The following PCDH11X variants were observed in gnomAD, a reference collection of about 807,000 sequenced individuals.
The protein encoded by PCDH11X is protocadherin 11 X-linked.
Under a neutral mutation model 53.3 loss-of-function variants are expected in PCDH11X, and 18 were observed. That is an observed-to-expected ratio of 0.34 (90% CI 0.23 to 0.50). The LOEUF (loss-of-function observed/expected upper bound fraction) is 0.50. Among genes scored for constraint, PCDH11X ranks in the 20% least tolerant of loss-of-function variants. The pLI is 0.98. For synonymous variants in PCDH11X, 279 were observed against 393.3 expected, an observed-to-expected ratio of 0.71 and a Z score of 3.44; for missense variants, 570 against 1,032.4, an observed-to-expected ratio of 0.55 and a Z score of 6.14.
chrX:92,098,858 G>A (rs1167361799), intron 6 of PCDH11X, among the ~76,000 whole-genome samples: 1 of 110,101 alleles, frequency 9.1e-6, no homozygotes, highest in Non-Finnish European at 1.9e-5. Flanking sequence ...TGTTGGTCAG[G>A]CTGGTCTCGA....
At chrX:91,960,606 T>C (rs918492941) in intron 6 of PCDH11X, among the ~76,000 whole-genome samples, 2 of 110,902 alleles carry the variant, frequency 1.8e-5, no homozygotes, top group Non-Finnish European at 3.8e-5. Flanking sequence ...TGTATTTTTG[T>C]AGAGACAGGC....
chrX:92,597,443 C>T (rs2750664), intron 10 of PCDH11X, among the ~76,000 whole-genome samples: 1 of 111,096 alleles, frequency 9.0e-6, no homozygotes, highest in Admixed American at 9.6e-5. Flanking sequence ...ACACATAAAA[C>T]TAAATACCTA....
At chrX:92,187,052 G>A (rs1338531353) in intron 6 of PCDH11X, among the ~76,000 whole-genome samples, 1 of 111,729 alleles carries the variant, frequency 9.0e-6, no homozygotes, top group Non-Finnish European at 1.9e-5. Context: ...AGGTGTATTA[G>A]CTTCCTGTTG....
In PCDH11X at chrX:92,263,135, G is replaced by A. The variant is rs1427725336; in HGVS notation, c.3136G>A (p.Ala1046Thr). The part of the protein sequence containing the change: ...QPQRKSEGKV[A>T]GKSQRRVTFH... ...TCAGCGGAAATCTGAAGGGAAAGTG[G>A]CAGGAAAGGTAAGACTGCAAATTTC... Residue 1046 changes from alanine (A) to threonine (T), a missense_variant, in exon 8 of 11, where the codon GCA (alanine) becomes ACA (threonine). Physicochemically the swap from Ala to Thr is moderately conservative, Grantham distance 58. This residue lies in a region of PCDH11X where 234 missense variants were observed against 296.1 expected (regional missense o/e 0.79). Coordinates refer to ENST00000682573, the MANE Select transcript of PCDH11X (RefSeq NM_032968.5). 1 of 1,182,635 alleles carries A rather than the reference G, an allele frequency of 8.5e-7. No homozygotes were observed. Among genetic ancestry groups the A allele is most frequent in the African/African-American group, 1.7e-5 (1 of 57,160 alleles).
In PCDH11X at chrX:92,278,926, C is replaced by G. The variant is rs946499428; in HGVS notation, c.3144+15783C>G. Among the ~76,000 whole-genome samples, 3 of 106,828 alleles carry G rather than the reference C, an allele frequency of 2.8e-5. No individual in the cohort carries two copies. The East Asian group carries it at 9.0e-4, about 32-fold the overall frequency. The allele number at this position is 106,828 out of a possible 115,157, so 92.8% of individuals were successfully genotyped here. ...TCCTGGGTTCAAGCGAGTCTCCTGC[C>G]TTAGCCTTCCGAGTAGCTGGGATTA... On this transcript the variant is annotated intron_variant, in intron 8 of 10. Transcript: ENST00000682573.
chrX:92,297,712 T>C (rs1231573254), intron 8 of PCDH11X, among the ~76,000 whole-genome samples: 2 of 111,982 alleles, frequency 1.8e-5, no homozygotes, highest in Non-Finnish European at 3.8e-5. Context: ...GGAAATAGTA[T>C]TGAGTCTGTA....
At chrX:92,342,394 A>G (rs1205468608) in intron 8 of PCDH11X, among the ~76,000 whole-genome samples, 1 of 111,252 alleles carries the variant, frequency 9.0e-6, no homozygotes, top group Non-Finnish European at 1.9e-5. Context: ...AAAAAGACAC[A>G]TGCACTCATA....
Position 92,423,252 on chromosome X carries a change from G to C in PCDH11X, c.3343+35319G>C, listed in dbSNP as rs750880148. On this transcript the variant is annotated intron_variant, in intron 9 of 10. Transcript: ENST00000682573. Reference sequence around the variant, plus strand: ...TTAGTGATGTTGAGGCTTTTTTCATGTTTGTCGGCCATTTGTTTATCTTCT... The same window carrying C: ...TTAGTGATGTTGAGGCTTTTTTCATCTTTGTCGGCCATTTGTTTATCTTCT... Among the ~76,000 whole-genome samples the C allele has an allele frequency of 8.2e-5, 8 of 97,594 alleles. No individual in the cohort carries two copies. In the South Asian group the frequency reaches 3.4e-3, roughly 41 times the overall value. The allele number at this position is 97,594 out of a possible 115,157, so 84.7% of individuals were successfully genotyped here. A position where few individuals can be genotyped will look rare whatever the true frequency, so the allele number is the denominator to read the frequency against.
At chrX:92,434,770 T>C (rs2072331146) in intron 9 of PCDH11X, among the ~76,000 whole-genome samples, 1 of 109,248 alleles carries the variant, frequency 9.2e-6, no homozygotes, top group Non-Finnish European at 1.9e-5. Context: ...GGGGAATTTA[T>C]AAAGAAAGAG....
chrX:92,100,576 TG>T (rs1225709798), intron 6 of PCDH11X, among the ~76,000 whole-genome samples: 1 of 110,554 alleles, frequency 9.0e-6, no homozygotes, highest in Non-Finnish European at 1.9e-5. Context: ...TCAGTTAAGG[TG>T]GGGCAGGGCA....
chrX:92,154,518 G>A (rs1385882719), intron 6 of PCDH11X, among the ~76,000 whole-genome samples: 1 of 106,059 alleles, frequency 9.4e-6, no homozygotes, highest in Non-Finnish European at 1.9e-5. Flanking sequence ...GGTGAGGACA[G>A]GCACTCCTGC....
chrX:92,596,512 A>C (rs1477093004), intron 10 of PCDH11X, among the ~76,000 whole-genome samples: 1 of 105,252 alleles, frequency 9.5e-6, no homozygotes, highest in Non-Finnish European at 1.9e-5. Flanking sequence ...TAAACCATGA[A>C]GAACTCTAAA....
At chrX:91,965,210 G>A (rs1192645833) in intron 6 of PCDH11X, among the ~76,000 whole-genome samples, 2 of 109,157 alleles carry the variant, frequency 1.8e-5, no homozygotes, top group East Asian at 5.8e-4. Context: ...GACAATGCAT[G>A]AGAAAGCTGA....
intron 8 of PCDH11X, among the ~76,000 whole-genome samples, chrX:92,285,316 C>T (rs1224514522): frequency 1.1e-4 from 11 of 99,218 alleles, no homozygotes; most frequent in African/African-American, 1.9e-4. Flanking sequence ...TGCAATGGCG[C>T]GATCTCGGCT....
At chrX:92,379,056 A>T (rs2070814403) in intron 8 of PCDH11X, among the ~76,000 whole-genome samples, 1 of 112,856 alleles carries the variant, frequency 8.9e-6, no homozygotes, top group African/African-American at 3.2e-5. Flanking sequence ...GGGAGGCGTG[A>T]CCAGGGTTGC....
intron 9 of PCDH11X, among the ~76,000 whole-genome samples, chrX:92,435,842 A>G (rs2072357400): frequency 9.0e-6 from 1 of 110,979 alleles, no homozygotes; most frequent in African/African-American, 3.3e-5. Context: ...ACACACTTAA[A>G]TACACAGACC....
At chrX:92,531,704 G>T (rs1433520113) in intron 10 of PCDH11X, among the ~76,000 whole-genome samples, 1 of 108,825 alleles carries the variant, frequency 9.2e-6, no homozygotes. Context: ...ATCTTCCTTA[G>T]TTCTGAGCTT....
intron 6 of PCDH11X, among the ~76,000 whole-genome samples, chrX:92,045,281 C>T (rs1276816118): frequency 9.7e-6 from 1 of 102,710 alleles, no homozygotes; most frequent in African/African-American, 3.6e-5. Context: ...TAATTATAAA[C>T]TCAGGAAAAA....
intron 6 of PCDH11X, among the ~76,000 whole-genome samples, chrX:91,930,507 A>G (rs1942091804): frequency 9.4e-6 from 1 of 105,897 alleles, no homozygotes. Context: ...AAATATATAT[A>G]TATACACGTA....
Sources: allele counts gnomAD v4.1 joint callset (sites outside exome capture counted in the v4.1 genomes callset), GRCh38; gene constraint gnomAD v4.1.1; regional missense constraint gnomAD v4.1.1; transcripts MANE v1.5; gene names NCBI Gene and HGNC (gene_info 2026-07-23, HGNC 2026-07-21).